The following GRIA2 variants were observed in gnomAD, a reference collection of about 807,000 sequenced individuals.
The protein encoded by GRIA2 is glutamate ionotropic receptor AMPA type subunit 2, also known as glutamate receptor 2.
In GRIA2, 14 loss-of-function variants were observed where a neutral mutation model predicts 97.3. That is an observed-to-expected ratio of 0.14 (90% CI 0.10 to 0.23). The LOEUF (loss-of-function observed/expected upper bound fraction) is 0.23. GRIA2 is among the 10% of genes least tolerant of loss of function. The pLI is 1.00. For missense variants in GRIA2, 558 were observed against 1,069.8 expected, an observed-to-expected ratio of 0.52 and a Z score of 6.67; for synonymous variants, 412 against 387.8, an observed-to-expected ratio of 1.06 and a Z score of -0.73.
intron 12 of GRIA2, among the ~76,000 whole-genome samples, chr4:157,355,028 G>A (rs560885645): frequency 2.6e-5 from 4 of 152,260 alleles, no homozygotes; most frequent in African/African-American, 9.6e-5. Context: ...ACAATTAAGA[G>A]CTTCTTGGGT....
chr4:157,303,652 C>T lies in GRIA2; in HGVS notation c.330C>T (p.Ser110=). ...ITSFCGTLHV[S]FITPSFPTDG... is the part of the protein sequence containing the mutation. Reference sequence around the variant, plus strand: ...CATTTTGCGGAACACTCCACGTCTCCTTCATCACTCCCAGCTTCCCAACAG... The same window carrying T: ...CATTTTGCGGAACACTCCACGTCTCTTTCATCACTCCCAGCTTCCCAACAG... The change falls in exon 3 of 16, where the codon TCC becomes TCT. Residue 110 remains serine (S), a synonymous_variant. Coordinates refer to ENST00000264426, the MANE Select transcript of GRIA2 (RefSeq NM_001083619.3). 1 of 1,614,076 alleles carries T rather than the reference C, an allele frequency of 6.2e-7. No individual in the cohort carries two copies. Among genetic ancestry groups the T allele is most frequent in the South Asian group, 1.1e-5 (1 of 91,078 alleles).
chr4:157,263,785 T>C (rs1394434220), intron 2 of GRIA2, among the ~76,000 whole-genome samples: 4 of 152,078 alleles, frequency 2.6e-5, no homozygotes, highest in Non-Finnish European at 5.9e-5. Context: ...TTTTGTCCAA[T>C]GAGGAGTCAG....
At chr4:157,236,375 C>T (rs544627789) in intron 2 of GRIA2, among the ~76,000 whole-genome samples, 14 of 152,066 alleles carry the variant, frequency 9.2e-5, no homozygotes, top group Admixed American at 8.5e-4. Flanking sequence ...ATAATATACA[C>T]TGTTCTTTAT....
rs1729512664 is a variant in GRIA2 at position 157,221,882 on chromosome 4, C to T, written c.229+75C>T. The T allele has an allele frequency of 4.3e-6, 6 of 1,386,770 alleles. No homozygotes were observed. The South Asian group carries it at 7.3e-5, about 17-fold the overall frequency. 85.9% of individuals were successfully genotyped at this position (1,386,770 alleles called of 1,614,324 possible). On this transcript the variant is annotated intron_variant, in intron 2 of 15. Transcript: ENST00000264426. Reference sequence around the variant, plus strand: ...CGAGTGTGAGTGTGTGTGTGCGTTTCTGGGGTGGTGTGTGTGCGTTTCTGT... The same window carrying T: ...CGAGTGTGAGTGTGTGTGTGCGTTTTTGGGGTGGTGTGTGTGCGTTTCTGT...
intron 2 of GRIA2, among the ~76,000 whole-genome samples, chr4:157,288,806 T>A (rs180775286): frequency 1.3e-3 from 203 of 151,896 alleles, no homozygotes; most frequent in African/African-American, 4.7e-3. Context: ...TTGCATAAGG[T>A]CTTATGTTTC....
intron 2 of GRIA2, among the ~76,000 whole-genome samples, chr4:157,296,636 T>G (rs943333767): frequency 2.0e-5 from 3 of 152,068 alleles, no homozygotes; most frequent in Non-Finnish European, 2.9e-5. Context: ...GAAGCATGCT[T>G]AAGATCAGAG....
intron 13 of GRIA2, chr4:157,360,721 C>A: frequency 1.8e-5 from 9 of 495,620 alleles, no homozygotes; most frequent in East Asian, 1.1e-4. Context: ...GAGTCACATT[C>A]AAGACACTGT....
At chr4:157,292,829 A>T (rs991505404) in intron 2 of GRIA2, among the ~76,000 whole-genome samples, 1 of 152,114 alleles carries the variant, frequency 6.6e-6, no homozygotes, top group African/African-American at 2.4e-5. Flanking sequence ...ATTTCTAGAG[A>T]TGATAGCTGA....
intron 2 of GRIA2, among the ~76,000 whole-genome samples, chr4:157,254,727 A>C (rs566221998): frequency 2.0e-4 from 31 of 152,156 alleles, no homozygotes; most frequent in African/African-American, 7.0e-4. Flanking sequence ...GTGTGTATTT[A>C]ACCTAGACGT....
chr4:157,321,814 G>A (rs1016790531), intron 6 of GRIA2, among the ~76,000 whole-genome samples: 6 of 151,932 alleles, frequency 3.9e-5, no homozygotes, highest in East Asian at 1.9e-4. Context: ...TTCTACTTCC[G>A]TACACCTATG....
rs1560781240 is a variant in GRIA2, at chr4:157,355,951, T to TAA, written c.2044-3945_2044-3944insAA. Among the ~76,000 whole-genome samples the TAA allele has an allele frequency of 3.4e-4, 23 of 68,060 alleles. No individual in the cohort carries two copies. The East Asian group carries it at 4.4e-3, about 13-fold the overall frequency. The allele number at this position is 68,060 out of a possible 152,430, so 44.7% of individuals were successfully genotyped here. ...TATATATTTATATATTAATATATAT[T>TAA]TATATATTTATGTATATTAATATAT... On this transcript the variant is annotated intron_variant, in intron 12 of 15. Transcript: ENST00000264426.
intron 3 of GRIA2, among the ~76,000 whole-genome samples, chr4:157,308,019 T>C (rs1733916682): frequency 6.6e-6 from 1 of 152,348 alleles, no homozygotes; most frequent in Non-Finnish European, 1.5e-5. Flanking sequence ...TAATTTTAAA[T>C]GGAGCAAAGA....
At chr4:157,355,970 A>ATGTAT (rs1560781323) in intron 12 of GRIA2, among the ~76,000 whole-genome samples, 1 of 4,252 alleles carries the variant, frequency 2.4e-4, no homozygotes, top group Non-Finnish European at 5.8e-4. Context: ...TATGTATATT[A>ATGTAT]ATATATATAT....
At chr4:157,289,717 A>C (rs1405286415) in intron 2 of GRIA2, among the ~76,000 whole-genome samples, 2 of 151,846 alleles carry the variant, frequency 1.3e-5, no homozygotes, top group East Asian at 3.9e-4. Flanking sequence ...ATTTGGATGC[A>C]TATCATACAG....
intron 2 of GRIA2, among the ~76,000 whole-genome samples, chr4:157,300,397 G>A (rs1212315137): frequency 1.3e-5 from 2 of 152,030 alleles, no homozygotes; most frequent in East Asian, 1.9e-4. Context: ...CACAAACGGG[G>A]CAAGCAAAGT....
chr4:157,298,241 A>C (rs936023793), intron 2 of GRIA2, among the ~76,000 whole-genome samples: 1 of 152,138 alleles, frequency 6.6e-6, no homozygotes, highest in African/African-American at 2.4e-5. Flanking sequence ...TGGAAACTTC[A>C]TATAAGTGGG....
chr4:157,335,444 T>G, intron 9 of GRIA2: 1 of 533,370 alleles, frequency 1.9e-6, no homozygotes, highest in Non-Finnish European at 3.4e-6. Flanking sequence ...GTTAACTCAG[T>G]ATGCTTGCAT....
chr4:157,227,265 A>G (rs774624343), intron 2 of GRIA2, among the ~76,000 whole-genome samples: 1 of 152,174 alleles, frequency 6.6e-6, no homozygotes, highest in Non-Finnish European at 1.5e-5. Context: ...TTGTACTGAG[A>G]CATTATGACA....
chr4:157,289,489 T>A (rs1469010975), intron 2 of GRIA2, among the ~76,000 whole-genome samples: 1 of 151,824 alleles, frequency 6.6e-6, no homozygotes, highest in African/African-American at 2.4e-5. Flanking sequence ...TTGTAGAGGT[T>A]GTAGAAATAC....
Sources: gnomAD v4.1 joint callset for allele counts (sites outside exome capture counted in the v4.1 genomes callset) on GRCh38, gnomAD v4.1.1 for gene constraint, MANE v1.5 for transcripts, NCBI Gene and HGNC (gene_info 2026-07-23, HGNC 2026-07-21) for gene names.